The following CAMK1D variants were observed in gnomAD, a reference collection of about 807,000 sequenced individuals.
CAMK1D encodes the protein calcium/calmodulin-dependent protein kinase type 1D.
Under a neutral mutation model 47.7 loss-of-function variants are expected in CAMK1D, and 9 were observed. That is an observed-to-expected ratio of 0.19 (90% CI 0.11 to 0.33). The LOEUF is 0.33. Ranked by LOEUF, CAMK1D falls within the 10% of genes least tolerant of loss-of-function variation. The pLI, the probability that CAMK1D is intolerant of heterozygous loss-of-function variation, is 1.00. For missense variants in CAMK1D, 291 were observed against 488.7 expected (o/e 0.60, Z 3.81); for synonymous variants, 184 against 184.9 (o/e 0.99, Z 0.04).
chr10:12,694,446 TGA>T (rs1292831111), intron 3 of CAMK1D, among the ~76,000 whole-genome samples: 1 of 83,142 alleles, frequency 1.2e-5, no homozygotes, highest in Non-Finnish European at 2.2e-5. Context: ...ATATAAAATA[TGA>T]AATATATATG....
chr10:12,461,617 A>G (rs1286691447), intron 1 of CAMK1D, among the ~76,000 whole-genome samples: 1 of 141,244 alleles, frequency 7.1e-6, no homozygotes, highest in African/African-American at 2.6e-5. Context: ...TGAACCTGGG[A>G]GGTGGAGGTT....
In CAMK1D at chr10:12,652,664, C is replaced by G. The variant is rs145445223; in HGVS notation, c.225-14072C>G. ...CCACAACCTATTTGTAATGTCATTCCTGAGAATTTGCAAATAGCCCTGGAG... is the reference window on the plus strand; with the variant it reads ...CCACAACCTATTTGTAATGTCATTCGTGAGAATTTGCAAATAGCCCTGGAG... On this transcript the variant is annotated intron_variant, in intron 2 of 10. Transcript: ENST00000619168. Among the ~76,000 whole-genome samples the G allele has an allele frequency of 3.6e-3, 546 of 152,222 alleles. 8 individuals carry two copies. The highest frequency in any genetic ancestry group is 0.012 in the African/African-American group (499 of 41,536).
intron 1 of CAMK1D, among the ~76,000 whole-genome samples, chr10:12,488,997 G>A (rs1173135281): frequency 6.6e-6 from 1 of 152,112 alleles, no homozygotes; most frequent in African/African-American, 2.4e-5. Flanking sequence ...GTGCAGTGGT[G>A]TGATCTCGGC....
intron 2 of CAMK1D, among the ~76,000 whole-genome samples, chr10:12,660,620 A>G (rs1286963484): frequency 1.3e-5 from 2 of 152,004 alleles, no homozygotes; most frequent in Non-Finnish European, 2.9e-5. Context: ...GCCTGGACCC[A>G]CTTCCCTCTA....
intron 1 of CAMK1D, among the ~76,000 whole-genome samples, chr10:12,437,771 T>C (rs1832678570): frequency 6.6e-6 from 1 of 152,238 alleles, no homozygotes; most frequent in Non-Finnish European, 1.5e-5. Context: ...GATCGTATCA[T>C]ACAGAGTAGT....
intron 5 of CAMK1D, among the ~76,000 whole-genome samples, chr10:12,783,940 A>G (rs1010634415): frequency 6.6e-6 from 1 of 152,188 alleles, no homozygotes; most frequent in Non-Finnish European, 1.5e-5. Context: ...GAAGGACCAC[A>G]TCTCTCCACA....
chr10:12,750,463 G>C (rs1317869035), intron 3 of CAMK1D, among the ~76,000 whole-genome samples: 1 of 152,148 alleles, frequency 6.6e-6, no homozygotes, highest in Admixed American at 6.5e-5. Flanking sequence ...TCTGCTGGGG[G>C]TCCCTGCACA....
At chr10:12,551,059 G>C (rs7076091) in intron 1 of CAMK1D, among the ~76,000 whole-genome samples, 16,509 of 152,216 alleles carry the variant, frequency 0.11, 985 homozygotes, top group African/African-American at 0.16. Flanking sequence ...CTAAAGTAGG[G>C]GTCCCCAACC....
intron 1 of CAMK1D, among the ~76,000 whole-genome samples, chr10:12,470,934 G>A (rs12573037): frequency 0.043 from 6,514 of 152,254 alleles, 273 homozygotes; most frequent in African/African-American, 0.1. Context: ...GCGTGCGTGC[G>A]TGTGTGCGTG....
chr10:12,524,927 A>G (rs964691215), intron 1 of CAMK1D, among the ~76,000 whole-genome samples: 2 of 151,886 alleles, frequency 1.3e-5, no homozygotes, highest in Non-Finnish European at 2.9e-5. Flanking sequence ...CTGATAAAGT[A>G]TTTTTTTCTG....
chr10:12,689,946 G>A (rs566148362), intron 3 of CAMK1D, among the ~76,000 whole-genome samples: 5 of 152,292 alleles, frequency 3.3e-5, no homozygotes, highest in South Asian at 2.1e-4. Flanking sequence ...TTTATACAAA[G>A]TAAACAAGAC....
At chr10:12,637,066 G>A (rs913478253) in intron 2 of CAMK1D, among the ~76,000 whole-genome samples, 1 of 151,988 alleles carries the variant, frequency 6.6e-6, no homozygotes, top group Admixed American at 6.6e-5. Flanking sequence ...CCACCTCCCG[G>A]GCTCAAGCCA....
intron 1 of CAMK1D, among the ~76,000 whole-genome samples, chr10:12,437,895 T>C (rs1458125732): frequency 6.6e-6 from 1 of 152,228 alleles, no homozygotes; most frequent in African/African-American, 2.4e-5. Context: ...TAGAGTGTCA[T>C]GTACTTGGAA....
intron 2 of CAMK1D, among the ~76,000 whole-genome samples, chr10:12,640,896 C>A (rs1462429329): frequency 3.3e-5 from 5 of 152,166 alleles, no homozygotes; most frequent in African/African-American, 7.2e-5. Context: ...TTCTTTCTTT[C>A]AAATCAATTA....
chr10:12,360,413 G>T (rs190301824), intron 1 of CAMK1D, among the ~76,000 whole-genome samples: 2 of 152,274 alleles, frequency 1.3e-5, no homozygotes, highest in African/African-American at 4.8e-5. Context: ...AAGAGAAGCT[G>T]TACCAAGCCA....
chr10:12,395,632 C>T (rs1195532015), intron 1 of CAMK1D, among the ~76,000 whole-genome samples: 5 of 151,958 alleles, frequency 3.3e-5, no homozygotes, highest in Non-Finnish European at 5.9e-5. Flanking sequence ...GTTGGTTTTT[C>T]GGCCAGGCGA....
At chr10:12,542,549 C>A (rs576847055) in intron 1 of CAMK1D, among the ~76,000 whole-genome samples, 1 of 152,180 alleles carries the variant, frequency 6.6e-6, no homozygotes, top group Non-Finnish European at 1.5e-5. Flanking sequence ...AAAAAGACAG[C>A]TCCCAAATCC....
intron 4 of CAMK1D, among the ~76,000 whole-genome samples, chr10:12,767,322 C>T (rs1302093804): frequency 1.3e-5 from 2 of 152,076 alleles, no homozygotes; most frequent in African/African-American, 4.8e-5. Flanking sequence ...GGATTACAGG[C>T]GCCCGCCACC....
chr10:12,736,270 C>T (rs1008622418), intron 3 of CAMK1D, among the ~76,000 whole-genome samples: 6 of 152,148 alleles, frequency 3.9e-5, no homozygotes, highest in African/African-American at 1.4e-4. Flanking sequence ...GCCCATGTGT[C>T]CTGTCTCCTG....
Sources: gnomAD v4.1 joint callset for allele counts (sites outside exome capture counted in the v4.1 genomes callset) on GRCh38, gnomAD v4.1.1 for gene constraint, MANE v1.5 for transcripts, NCBI Gene and HGNC (gene_info 2026-07-23, HGNC 2026-07-21) for gene names.